Variants in PTPRD observed in about 807,000 individuals in gnomAD.
PTPRD encodes the protein receptor-type tyrosine-protein phosphatase delta.
In PTPRD, 34 loss-of-function variants were observed where a neutral mutation model predicts 214.5. That is an observed-to-expected ratio of 0.16 (90% CI 0.12 to 0.21). The LOEUF is 0.21. PTPRD is among the 10% of genes least tolerant of loss of function. The pLI is 1.00. For missense variants in PTPRD, 2,545 were observed against 2,398.7 expected (o/e 1.06, Z -1.27); for synonymous variants, 1,128 against 845.7 (o/e 1.33, Z -5.79).
chr9:9,919,785 G>A (rs1009905678), intron 5 of PTPRD, among the ~76,000 whole-genome samples: 1 of 152,236 alleles, frequency 6.6e-6, no homozygotes, highest in South Asian at 2.1e-4. Context: ...CTGCCTGAGT[G>A]AGCCTCAGTC....
chr9:9,491,056 C>G (rs2095872536), intron 8 of PTPRD, among the ~76,000 whole-genome samples: 1 of 151,784 alleles, frequency 6.6e-6, no homozygotes, highest in African/African-American at 2.4e-5. Context: ...ATAAGAGACT[C>G]TCTTTAGATT....
At chr9:8,905,186 T>A (rs1186708171) in intron 11 of PTPRD, among the ~76,000 whole-genome samples, 2 of 152,124 alleles carry the variant, frequency 1.3e-5, no homozygotes, top group Non-Finnish European at 2.9e-5. Flanking sequence ...CAATCCAATG[T>A]TTATGTTTCA....
At chr9:9,606,144 A>G in intron 7 of PTPRD, among the ~76,000 whole-genome samples, 1 of 152,110 alleles carries the variant, frequency 6.6e-6, no homozygotes, top group Non-Finnish European at 1.5e-5. Flanking sequence ...TTGCTTGTAG[A>G]TAACCATAAG....
chr9:8,334,479 C>G (rs1826914362), intron 43 of PTPRD, among the ~76,000 whole-genome samples: 1 of 143,178 alleles, frequency 7.0e-6, no homozygotes, highest in Non-Finnish European at 1.5e-5. Flanking sequence ...TAAAGATGTT[C>G]TTTGAAGCCA....
intron 9 of PTPRD, among the ~76,000 whole-genome samples, chr9:9,224,306 G>A (rs1378515095): frequency 6.6e-6 from 1 of 152,000 alleles, no homozygotes; most frequent in Non-Finnish European, 1.5e-5. Context: ...GATATTATGT[G>A]TATGGGGAGG....
At chr9:10,111,283 G>C (rs1315436738) in intron 3 of PTPRD, among the ~76,000 whole-genome samples, 1 of 121,290 alleles carries the variant, frequency 8.2e-6, no homozygotes, top group Non-Finnish European at 1.6e-5. Flanking sequence ...CTGTCGCCCA[G>C]GCTGGAGTGC....
intron 11 of PTPRD, among the ~76,000 whole-genome samples, chr9:8,929,536 A>G (rs1484060638): frequency 2.0e-5 from 3 of 151,824 alleles, no homozygotes; most frequent in Non-Finnish European, 4.4e-5. Context: ...CCAAGTATGA[A>G]GCCGACTTGA....
chr9:9,058,605 T>A (rs1234115983), intron 10 of PTPRD, among the ~76,000 whole-genome samples: 33 of 150,720 alleles, frequency 2.2e-4, no homozygotes, highest in Middle Eastern at 3.4e-3. Flanking sequence ...TCCCGCCACC[T>A]CGCCCGGCTA....
chr9:9,814,589 A>T (rs755404976), intron 5 of PTPRD, among the ~76,000 whole-genome samples: 1 of 152,146 alleles, frequency 6.6e-6, no homozygotes, highest in Non-Finnish European at 1.5e-5. Context: ...AGGAGGTAGA[A>T]GATCTGTACA....
intron 10 of PTPRD, among the ~76,000 whole-genome samples, chr9:9,043,137 T>C (rs998078858): frequency 1.3e-5 from 2 of 152,196 alleles, no homozygotes; most frequent in African/African-American, 4.8e-5. Flanking sequence ...TGAGTTAGTG[T>C]CTGTGGCTCA....
At chr9:10,264,857 C>G (rs573868409) in intron 3 of PTPRD, among the ~76,000 whole-genome samples, 1 of 152,092 alleles carries the variant, frequency 6.6e-6, no homozygotes, top group East Asian at 1.9e-4. Flanking sequence ...TGGGAGGGAC[C>G]CAGGGGGAGA....
chr9:8,596,095 C>T (rs2094460382), intron 14 of PTPRD, among the ~76,000 whole-genome samples: 1 of 152,100 alleles, frequency 6.6e-6, no homozygotes, highest in East Asian at 1.9e-4. Context: ...GTAATATATC[C>T]TATTTGATAA....
rs1266905676 is a variant in PTPRD at position 9,137,926 on chromosome 9, T to C, written c.-143+45378A>G. 2.8e-4 allele frequency among the ~76,000 whole-genome samples: 43 copies of C among 152,148 alleles called. 1 individual carries two copies. Among genetic ancestry groups the C allele is most frequent in the Admixed American group, 2.8e-3 (43 of 15,274 alleles). ...TGTTTTCATTATATAATATTTTGAC[T>C]TTCCCCAAAAGAATTCATGCATCAG... On this transcript the variant is annotated intron_variant, in intron 10 of 45. Coordinates refer to ENST00000381196, the MANE Select transcript of PTPRD (RefSeq NM_002839.4).
intron 4 of PTPRD, among the ~76,000 whole-genome samples, chr9:10,018,597 G>A (rs1475123913): frequency 8.3e-6 from 1 of 120,564 alleles, no homozygotes; most frequent in Non-Finnish European, 1.6e-5. Flanking sequence ...GCCCAGGCTG[G>A]AGTGCAGTGG....
intron 3 of PTPRD, among the ~76,000 whole-genome samples, chr9:10,229,758 C>T (rs2475325): frequency 0.061 from 9,204 of 151,462 alleles, 355 homozygotes; most frequent in Non-Finnish European, 0.083. Flanking sequence ...TGCTAAATGA[C>T]GAGTTAATGG....
chr9:8,828,369 T>A (rs1027246177), intron 11 of PTPRD, among the ~76,000 whole-genome samples: 1 of 152,138 alleles, frequency 6.6e-6, no homozygotes, highest in African/African-American at 2.4e-5. Flanking sequence ...AGAAGAAACA[T>A]CACAGAAATG....
chr9:8,480,932 G>A lies in PTPRD; in HGVS notation c.3413+3187C>T, dbSNP rs541636289. On this transcript the variant is annotated intron_variant, in intron 30 of 45. Coordinates refer to ENST00000381196, the MANE Select transcript of PTPRD (RefSeq NM_002839.4). Reference sequence around the variant, plus strand: ...GAGGGGTTGGATCACGAGGTCAGGAGATCGAGACCAACCTGGCTAACATGG... The same window carrying A: ...GAGGGGTTGGATCACGAGGTCAGGAAATCGAGACCAACCTGGCTAACATGG... Among the ~76,000 whole-genome samples the A allele has an allele frequency of 2.6e-5, 4 of 152,212 alleles. No individual in the cohort carries two copies. In the East Asian group the frequency reaches 5.8e-4, roughly 22 times the overall value.
At chr9:9,009,144 T>C (rs567881048) in intron 11 of PTPRD, among the ~76,000 whole-genome samples, 478 of 89,110 alleles carry the variant, frequency 5.4e-3, no homozygotes, top group Non-Finnish European at 0.01. Context: ...AAATTTTATT[T>C]AGGATTTTTT....
intron 3 of PTPRD, among the ~76,000 whole-genome samples, chr9:10,239,858 C>T (rs2099641524): frequency 6.6e-6 from 1 of 151,856 alleles, no homozygotes; most frequent in Non-Finnish European, 1.5e-5. Context: ...CTGAGGTAAG[C>T]CATACAATCT....
Sources: gnomAD v4.1 joint callset for allele counts (sites outside exome capture counted in the v4.1 genomes callset) on GRCh38, gnomAD v4.1.1 for gene constraint, MANE v1.5 for transcripts, NCBI Gene and HGNC (gene_info 2026-07-23, HGNC 2026-07-21) for gene names.